The following MYO9B variants were observed in gnomAD, a reference collection of about 807,000 sequenced individuals.
MYO9B encodes myosin IXB.
Under a neutral mutation model 229.5 loss-of-function variants are expected in MYO9B, and 71 were observed. The observed-to-expected ratio is 0.31, with a 90% confidence interval of 0.26 to 0.38. MYO9B has a LOEUF of 0.38. Ranked by LOEUF, MYO9B falls within the 10% of genes least tolerant of loss-of-function variation. The probability of loss-of-function intolerance (pLI) is 1.00; values close to 1 mark genes in which losing one functional copy is unlikely to be tolerated. For missense variants in MYO9B, 2,255 were observed against 2,920.5 expected (o/e 0.77, Z 5.25); for synonymous variants, 1,185 against 1,235.8 (o/e 0.96, Z 0.86).
chr19:17,088,617 T>G (rs1004048688), intron 1 of MYO9B, among the ~76,000 whole-genome samples: 1 of 152,148 alleles, frequency 6.6e-6, no homozygotes, highest in African/African-American at 2.4e-5. Context: ...TACCAGACCG[T>G]GGTATGAGCC....
intron 2 of MYO9B, among the ~76,000 whole-genome samples, chr19:17,138,446 T>G (rs1290896944): frequency 6.6e-6 from 1 of 152,164 alleles, no homozygotes; most frequent in Non-Finnish European, 1.5e-5. Flanking sequence ...CCTGGCTAAT[T>G]TTTTAAATTT....
In MYO9B at chr19:17,195,798, A is replaced by G. The variant is rs762442801; in HGVS notation, c.4046+325A>G. ...CTTGGGCCTTGGTTTCTAATTGGTG[A>G]ACAGGACTAACTGCACTCCTCGGGG... On this transcript the variant is annotated intron_variant, in intron 22 of 39. Transcript: ENST00000682292. The surrounding 1 kb of genome is among the most constrained non-coding windows in gnomAD (Gnocchi z 4.5). Among the ~76,000 whole-genome samples the G allele has an allele frequency of 1.4e-4, 21 of 152,066 alleles. No homozygotes were observed. Among genetic ancestry groups the G allele is most frequent in the Admixed American group, 1.3e-4 (2 of 15,256 alleles).
rs186590620 is a variant in MYO9B, at chr19:17,145,830, A to G, written c.935+339A>G. Among the ~76,000 whole-genome samples the G allele has an allele frequency of 9.8e-5, 15 of 152,310 alleles. No individual in the cohort carries two copies. In the South Asian group the frequency reaches 1.7e-3, roughly 17 times the overall value. Reference sequence around the variant, plus strand: ...GGGGATGCGGACTCTGGCCTTTGCCAAACATGTGCTCCTTTAGCCAGAAAA... The same window carrying G: ...GGGGATGCGGACTCTGGCCTTTGCCGAACATGTGCTCCTTTAGCCAGAAAA... On this transcript the variant is annotated intron_variant, in intron 3 of 39. Coordinates refer to ENST00000682292, the MANE Select transcript of MYO9B (RefSeq NM_004145.4).
Position 17,205,903 on chromosome 19 carries a change from A to G in MYO9B, c.5065-57A>G, listed in dbSNP as rs2073154981. On this transcript the variant is annotated intron_variant, in intron 31 of 39. Coordinates refer to ENST00000682292, the MANE Select transcript of MYO9B (RefSeq NM_004145.4). ...GACCAGGAGGCAGAGGCCCCCAGAG[A>G]CAGCTGGAGAGGAAGACAGCCAGGC... 9 of 1,485,612 alleles carry G rather than the reference A, an allele frequency of 6.1e-6. No homozygotes were observed. The Admixed American group carries it at 1.1e-4, about 19-fold the overall frequency. 92.0% of individuals were successfully genotyped at this position (1,485,612 alleles called of 1,614,324 possible). A position where few individuals can be genotyped will look rare whatever the true frequency, so the allele number is the denominator to read the frequency against.
At chr19:17,102,749 AAT>A (rs2057757642) in intron 2 of MYO9B, among the ~76,000 whole-genome samples, 192 bp downstream of exon 2, 1 of 150,608 alleles carries the variant, frequency 6.6e-6, no homozygotes, top group African/African-American at 2.4e-5. Flanking sequence ...AAAAAAAAAA[AAT>A]AATTAGCCAG....
intron 22 of MYO9B, among the ~76,000 whole-genome samples, chr19:17,196,838 G>GGACA (rs1457834996): frequency 6.6e-6 from 1 of 151,960 alleles, no homozygotes; most frequent in East Asian, 1.9e-4. Flanking sequence ...ATGGATGGAT[G>GGACA]GACAGACAGA....
chr19:17,206,138 AGGCGCTGCAGACAGGTG>A lies in MYO9B; in HGVS notation c.5251_5257+10del, dbSNP rs953867342. Reference sequence around the variant, plus strand: ...GCCAACCGCACTCGGGAGCTCCGGCAGGCGCTGCAGACAGGTGGGCGCTGTGGGCAGGTGGGTGCAGT... The same window carrying A: ...GCCAACCGCACTCGGGAGCTCCGGCAGGCGCTGTGGGCAGGTGGGTGCAGT... On this transcript the variant is annotated splice_donor_variant and splice_donor_region_variant and coding_sequence_variant and intron_variant, in exon 32 of 40. Coordinates refer to ENST00000682292, the MANE Select transcript of MYO9B (RefSeq NM_004145.4). LOFTEE classifies it high-confidence loss of function. The A allele has an allele frequency of 2.5e-6, 4 of 1,606,830 alleles. No homozygotes were observed. In the African/African-American group the frequency reaches 5.3e-5, roughly 21 times the overall value.
At chr19:17,171,458 A>C (rs572350983) in intron 11 of MYO9B, among the ~76,000 whole-genome samples, 51 of 152,316 alleles carry the variant, frequency 3.3e-4, no homozygotes, top group Non-Finnish European at 6.9e-4. Flanking sequence ...AATGGCTCCA[A>C]GACCAGAAGT....
Position 17,180,937 on chromosome 19 carries a change from A to T in MYO9B, c.2230A>T (p.Asn744Tyr). 3.1e-6 allele frequency: 5 copies of T among 1,606,720 alleles called. No individual in the cohort carries two copies. The South Asian group carries it at 5.6e-5, about 18-fold the overall frequency. Residue 744 changes from asparagine to tyrosine, a missense_variant, in exon 15 of 40, where the codon AAC becomes TAC. Transcript: ENST00000682292. ...CACCCCTCCCCTCAGCGATTTGCAT[A>T]ACCAAATGATCAAGAGCATCAAAGG... ...PSEKLYRDLH[N>Y]QMIKSIKGLP... is the part of the protein sequence containing the mutation.
rs764622332 is a variant in MYO9B at position 17,188,083 on chromosome 19, CG to C, written c.2688+39del. The C allele has an allele frequency of 1.1e-5, 16 of 1,516,998 alleles. No individual in the cohort carries two copies. In the African/African-American group the frequency reaches 2.2e-4, roughly 21 times the overall value. The allele number at this position is 1,516,998 out of a possible 1,614,324, so 94.0% of individuals were successfully genotyped here. A position where few individuals can be genotyped will look rare whatever the true frequency, so the allele number is the denominator to read the frequency against. ...CACATATACCTGGACACACCTGTTC[CG>C]TGGCAAAGGCAATCACCCTCTTCCA... On this transcript the variant is annotated intron_variant, in intron 19 of 39. Transcript: ENST00000682292.
At chr19:17,120,206 TG>T (rs2145121768) in intron 2 of MYO9B, among the ~76,000 whole-genome samples, 1 of 152,318 alleles carries the variant, frequency 6.6e-6, no homozygotes, top group Non-Finnish European at 1.5e-5. Context: ...CTCAGGGCAG[TG>T]CCTGCTGTGG....
chr19:17,199,513 G>T (rs1020869108), intron 24 of MYO9B, among the ~76,000 whole-genome samples: 6 of 146,652 alleles, frequency 4.1e-5, no homozygotes, highest in African/African-American at 7.5e-5. Context: ...TTTTTTGTTT[G>T]TTTTTTTTTT....
intron 2 of MYO9B, among the ~76,000 whole-genome samples, chr19:17,144,612 G>A (rs1202154890): frequency 6.6e-6 from 1 of 151,052 alleles, no homozygotes; most frequent in African/African-American, 2.4e-5. Flanking sequence ...AAAAAAAAAA[G>A]AGTGAAAGAA....
intron 14 of MYO9B, chr19:17,177,551 C>G (rs2072803989): frequency 6.6e-6 from 1 of 152,042 alleles, no homozygotes; most frequent in African/African-American, 2.4e-5. Flanking sequence ...TTATGTTGCC[C>G]AGGCTAATCT....
chr19:17,125,894 G>A (rs1031785636), intron 2 of MYO9B, among the ~76,000 whole-genome samples: 1 of 152,188 alleles, frequency 6.6e-6, no homozygotes. Context: ...GAGCCATGAG[G>A]TTGGGGTGAC....
intron 3 of MYO9B, among the ~76,000 whole-genome samples, chr19:17,148,441 G>A (rs2072440129): frequency 6.6e-6 from 1 of 152,166 alleles, no homozygotes. Flanking sequence ...CGGATATCAA[G>A]GTGTCCACAG....
intron 30 of MYO9B, among the ~76,000 whole-genome samples, chr19:17,205,054 G>A (rs995558268): frequency 6.6e-6 from 1 of 152,052 alleles, no homozygotes; most frequent in Admixed American, 6.6e-5. Context: ...GGGAGGCCGA[G>A]GCAGGAGAAT....
intron 24 of MYO9B, 59 bp downstream of exon 24, chr19:17,198,367 G>A (rs2073070280): frequency 6.2e-7 from 1 of 1,602,872 alleles, no homozygotes; most frequent in African/African-American, 1.3e-5. Context: ...GTCCCTGCCA[G>A]GGCCTCGCAG....
At chr19:17,106,517 C>T (rs1339975531) in intron 2 of MYO9B, among the ~76,000 whole-genome samples, 2 of 152,216 alleles carry the variant, frequency 1.3e-5, no homozygotes, top group East Asian at 3.8e-4. Flanking sequence ...GAGACTCAGC[C>T]ACAGTGAAAC....
Sources: gnomAD v4.1 joint callset for allele counts (sites outside exome capture counted in the v4.1 genomes callset) on GRCh38, gnomAD v4.1.1 for gene constraint, Gnocchi (gnomAD v3.1) non-coding constraint, MANE v1.5 for transcripts, NCBI Gene and HGNC (gene_info 2026-07-23, HGNC 2026-07-21) for gene names.